Variants in TOMM40L observed in about 807,000 individuals in gnomAD.
The protein encoded by TOMM40L is mitochondrial import receptor subunit TOM40B.
TOMM40L carries 17 observed loss-of-function variants against 38.3 expected under a neutral mutation model. That is an observed-to-expected ratio of 0.44 (90% CI 0.30 to 0.67). The LOEUF (loss-of-function observed/expected upper bound fraction) is 0.67. Among genes scored for constraint, TOMM40L ranks in the 30% least tolerant of loss-of-function variants. The pLI, the probability that TOMM40L is intolerant of heterozygous loss-of-function variation, is 0.08. For synonymous variants in TOMM40L, 151 were observed against 150.2 expected (o/e 1.01, Z -0.04); for missense variants, 294 against 390.0 (o/e 0.75, Z 2.07).
chr1:161,227,435 G>C, intron 4 of TOMM40L, 85 bp downstream of exon 4: 1 of 1,326,528 alleles, frequency 7.5e-7, no homozygotes, highest in Non-Finnish European at 1.1e-6. Context: ...GTGTGTTATG[G>C]GGAGGAATGG....
rs878979614 is a variant in TOMM40L, at chr1:161,230,485, C to T, written c.*1390C>T. ...AAGGCCAAGGGAAGAGAAAAGTCTG[C>T]GTTAGTCTGGAGAAGTTGGACTAGT... On this transcript the variant is annotated 3_prime_UTR_variant, in exon 10 of 10. Coordinates refer to ENST00000367988, the MANE Select transcript of TOMM40L (RefSeq NM_032174.6). 2.2e-5 allele frequency: 11 copies of T among 504,292 alleles called. No homozygotes were observed. Among genetic ancestry groups the T allele is most frequent in the East Asian group, 6.6e-5 (2 of 30,306 alleles). The allele number at this position is 504,292 out of a possible 1,614,324, so 31.2% of individuals were successfully genotyped here.
Position 161,228,783 on chromosome 1 carries a change from C to T in TOMM40L, c.753C>T (p.His251=). The T allele has an allele frequency of 6.2e-7, 1 of 1,614,128 alleles. No homozygotes were observed. Among genetic ancestry groups the T allele is most frequent in the Non-Finnish European group, 8.5e-7 (1 of 1,180,034 alleles). Reference sequence around the variant, plus strand: ...ACACAACATTCTCCTTTGGTTACCACCTGACTCTGCCCCAGGCCAACATGG... The same window carrying T: ...ACACAACATTCTCCTTTGGTTACCATCTGACTCTGCCCCAGGCCAACATGG... ...LQDTTFSFGY[H]LTLPQANMVF... is the part of the protein sequence containing the mutation. The change falls in exon 9 of 10, where the codon CAC becomes CAT. Residue 251 remains histidine (H), a synonymous_variant. Coordinates refer to ENST00000367988, the MANE Select transcript of TOMM40L (RefSeq NM_032174.6).
Position 161,227,323 on chromosome 1 carries a change from A to G in TOMM40L, c.249A>G (p.Ala83=), listed in dbSNP as rs1666412890. 5 of 1,614,128 alleles carry G rather than the reference A, an allele frequency of 3.1e-6. No homozygotes were observed. The East Asian group carries it at 1.1e-4, about 36-fold the overall frequency. ...GATATCACCTCCATGCGGCCTATGC[A>G]GGGGATTGGCAGCTCAGTCCCACTG... The part of the protein sequence containing the change: ...LPGYHLHAAY[A]GDWQLSPTEV... Residue 83 remains alanine, a synonymous_variant, in exon 4 of 10, where the codon GCA becomes GCG. Transcript: ENST00000367988.
chr1:161,226,771 C>A, intron 2 of TOMM40L, 117 bp from the exon 3 acceptor site: 2 of 1,327,468 alleles, frequency 1.5e-6, no homozygotes, highest in South Asian at 1.3e-5. Context: ...CATTGCAGGA[C>A]TTGAAAGGAG....
rs1319503994 is a variant in TOMM40L, at chr1:161,227,396, G to A, written c.276+46G>A. 1.9e-6 allele frequency: 3 copies of A among 1,569,778 alleles called. No homozygotes were observed. In the Admixed American group the frequency reaches 5.1e-5, roughly 26 times the overall value. Reference sequence around the variant, plus strand: ...GGTCATCTCCCTAAAAACCAATCTGGGACCCAGGTCTGGAGGAAGAGGAAT... The same window carrying A: ...GGTCATCTCCCTAAAAACCAATCTGAGACCCAGGTCTGGAGGAAGAGGAAT... On this transcript the variant is annotated intron_variant, in intron 4 of 9. Coordinates refer to ENST00000367988, the MANE Select transcript of TOMM40L (RefSeq NM_032174.6).
At chr1:161,226,711 G>T in intron 2 of TOMM40L, 107 bp downstream of exon 2, 7 of 1,323,588 alleles carry the variant, frequency 5.3e-6, no homozygotes, top group Non-Finnish European at 7.4e-6. Context: ...ATCATAGCTG[G>T]GTCATGCAGC....
At chr1:161,226,306 A>C in intron 1 of TOMM40L, 49 bp from the exon 2 acceptor site, 1 of 575,706 alleles carries the variant, frequency 1.7e-6, no homozygotes, top group Admixed American at 3.1e-5. Context: ...GAGTGTGCCT[A>C]GGGTTGTCTC....
chr1:161,226,933 AG>A lies in TOMM40L; in HGVS notation c.163del (p.Val55PhefsTer2). The A allele has an allele frequency of 6.2e-7, 1 of 1,614,078 alleles. No individual in the cohort carries two copies. ...GAGGGAGTGAAGCTCGTTGTCAACAAGGTTCTGAGCAGCCATTTCCAGGTGC... is the reference window on the plus strand; with the variant it reads ...GAGGGAGTGAAGCTCGTTGTCAACAAGTTCTGAGCAGCCATTTCCAGGTGC... ...QMEGVKLVVNKVLSSHFQVAH... is the reference protein window; with the variant it reads ...QMEGVKLVVNXVLSSHFQVAH... On this transcript the variant is annotated frameshift_variant, in exon 3 of 10. Transcript: ENST00000367988. LOFTEE classifies it high-confidence loss of function.
Position 161,230,073 on chromosome 1 carries a change from T to A in TOMM40L, c.*978T>A. 1 of 963,388 alleles carries A rather than the reference T, an allele frequency of 1.0e-6. No individual in the cohort carries two copies. The highest frequency in any genetic ancestry group is 1.5e-6 in the Non-Finnish European group (1 of 655,250). 59.7% of individuals were successfully genotyped at this position (963,388 alleles called of 1,614,324 possible). ...AAAATCATGCTCTGGTATGACAGAC[T>A]ATCAGAGGTTCCAAAGGTCCTCCAG... On this transcript the variant is annotated 3_prime_UTR_variant, in exon 10 of 10. Coordinates refer to ENST00000367988, the MANE Select transcript of TOMM40L (RefSeq NM_032174.6).
rs771557332 is a variant in TOMM40L, at chr1:161,229,801, C to T, written c.*706C>T. On this transcript the variant is annotated 3_prime_UTR_variant, in exon 10 of 10. Coordinates refer to ENST00000367988, the MANE Select transcript of TOMM40L (RefSeq NM_032174.6). ...GGGAAGGAAGTGAGCATGGCCTCAG[C>T]TGCAGATCTCCTGGAGCAGCGGCAT... 2.0e-5 allele frequency: 32 copies of T among 1,614,100 alleles called. 1 individual carries two copies. The South Asian group carries it at 3.5e-4, about 18-fold the overall frequency.
intron 8 of TOMM40L, 65 bp downstream of exon 8, chr1:161,228,569 C>T (rs1666545260): frequency 6.3e-7 from 1 of 1,585,902 alleles, no homozygotes; most frequent in South Asian, 1.1e-5. Flanking sequence ...TTCATCTGGA[C>T]CTCTATCGCC....
Position 161,229,623 on chromosome 1 carries a change from C to T in TOMM40L, c.*528C>T, listed in dbSNP as rs1666637086. On this transcript the variant is annotated 3_prime_UTR_variant, in exon 10 of 10. Transcript: ENST00000367988. ...GTGCTTCCAGAGAACAACTTTGTTC[C>T]TATGGTCACCCCCACTATCCCCATG... 2 of 1,608,918 alleles carry T rather than the reference C, an allele frequency of 1.2e-6. No individual in the cohort carries two copies. The highest frequency in any genetic ancestry group is 2.7e-5 in the African/African-American group (2 of 74,832).
intron 4 of TOMM40L, 43 bp downstream of exon 4, chr1:161,227,393 C>G (rs1666417387): frequency 6.3e-7 from 1 of 1,577,714 alleles, no homozygotes; most frequent in Non-Finnish European, 8.7e-7. Flanking sequence ...AAAAACCAAT[C>G]TGGGACCCAG....
chr1:161,229,943 G>A lies in TOMM40L; in HGVS notation c.*848G>A. ...TACAGAAACCTTTGGAGGAAGTAGT[G>A]GGGTTGCCAGGAAAACAGGAGGGAA... On this transcript the variant is annotated 3_prime_UTR_variant, in exon 10 of 10. Coordinates refer to ENST00000367988, the MANE Select transcript of TOMM40L (RefSeq NM_032174.6). The A allele has an allele frequency of 6.2e-7, 1 of 1,613,914 alleles. No homozygotes were observed. The highest frequency in any genetic ancestry group is 1.1e-5 in the South Asian group (1 of 91,042).
Position 161,230,136 on chromosome 1 carries a change from C to G in TOMM40L, c.*1041C>G. ...TGACACTGTCTTCTCTCACCATGCT[C>G]AGTTTTTTCTGAACCCAGAGCTCTG... On this transcript the variant is annotated 3_prime_UTR_variant, in exon 10 of 10. Transcript: ENST00000367988. 1 of 573,238 alleles carries G rather than the reference C, an allele frequency of 1.7e-6. No homozygotes were observed. Among genetic ancestry groups the G allele is most frequent in the Non-Finnish European group, 3.0e-6 (1 of 328,930 alleles). 35.5% of individuals were successfully genotyped at this position (573,238 alleles called of 1,614,324 possible). A position where few individuals can be genotyped will look rare whatever the true frequency, so the allele number is the denominator to read the frequency against.
chr1:161,229,728 C>G lies in TOMM40L; in HGVS notation c.*633C>G, dbSNP rs3813629. On this transcript the variant is annotated 3_prime_UTR_variant, in exon 10 of 10. Transcript: ENST00000367988. ...CTTTGAACCCGGCCCAATCTTTGGT[C>G]CCAGCATTTTCCCACTCCAGTGTAT... The G allele has an allele frequency of 1.2e-5, 19 of 1,614,070 alleles. No homozygotes were observed. The highest frequency in any genetic ancestry group is 5.0e-5 in the Admixed American group (3 of 60,000).
In TOMM40L at chr1:161,228,446, C is replaced by T. The variant is rs201092540; in HGVS notation, c.626C>T (p.Thr209Ile). 5 of 1,614,060 alleles carry T rather than the reference C, an allele frequency of 3.1e-6. No individual in the cohort carries two copies. Among genetic ancestry groups the T allele is most frequent in the Non-Finnish European group, 4.2e-6 (5 of 1,179,994 alleles). ...GKYSAVHWVATLNVGSGGAHA... is the reference protein window; with the variant it reads ...GKYSAVHWVAILNVGSGGAHA... Reference sequence around the variant, plus strand: ...TTTACAGCTGTACACTGGGTAGCTACATTGAATGTGGGATCAGGCGGGGCC... The same window carrying T: ...TTTACAGCTGTACACTGGGTAGCTATATTGAATGTGGGATCAGGCGGGGCC... Residue 209 changes from threonine to isoleucine, a missense_variant, in exon 8 of 10, where the codon ACA (threonine) becomes ATA (isoleucine). Physicochemically the swap from Thr to Ile is moderately conservative, Grantham distance 89. Transcript: ENST00000367988.
chr1:161,229,579 TTC>T lies in TOMM40L; in HGVS notation c.*485_*486del. The T allele has an allele frequency of 6.6e-7, 1 of 1,521,920 alleles. No individual in the cohort carries two copies. The highest frequency in any genetic ancestry group is 1.2e-5 in the South Asian group (1 of 82,474). The allele number at this position is 1,521,920 out of a possible 1,614,324, so 94.3% of individuals were successfully genotyped here. A position where few individuals can be genotyped will look rare whatever the true frequency, so the allele number is the denominator to read the frequency against. Reference sequence around the variant, plus strand: ...CTTCTTTACCTCTTAGCCCTGAGGTTTCCTCCTTCCCATCTTCTGTGCTTCCA... The same window carrying T: ...CTTCTTTACCTCTTAGCCCTGAGGTTCTCCTTCCCATCTTCTGTGCTTCCA... On this transcript the variant is annotated 3_prime_UTR_variant, in exon 10 of 10. Transcript: ENST00000367988.
At position 161,227,359 on chromosome 1, in the gene TOMM40L, T is replaced by A. The variant is rs1666415364; in HGVS notation, c.276+9T>A. 1 of 1,612,814 alleles carries A rather than the reference T, an allele frequency of 6.2e-7. No individual in the cohort carries two copies. The highest frequency in any genetic ancestry group is 2.2e-5 in the East Asian group (1 of 44,878). ...AGCTCAGTCCCACTGAGGTGAGGGC[T>A]CCACACACCTGGGTCATCTCCCTAA... On this transcript the variant is annotated intron_variant, in intron 4 of 9. Transcript: ENST00000367988.
Sources: allele counts gnomAD v4.1 joint callset, GRCh38; gene constraint gnomAD v4.1.1; transcripts MANE v1.5; gene names NCBI Gene and HGNC (gene_info 2026-07-23, HGNC 2026-07-21).